The following MGAT4C variants were observed in gnomAD, a reference collection of about 807,000 sequenced individuals.
MGAT4C encodes the protein alpha-1,3-mannosyl-glycoprotein 4-beta-N-acetylglucosaminyltransferase C.
A neutral mutation model predicts 40.1 loss-of-function variants in MGAT4C; 19 were observed. The observed-to-expected ratio is 0.47, with a 90% CI of 0.33 to 0.70. MGAT4C has a LOEUF of 0.70. MGAT4C is among the 30% of genes least tolerant of loss of function. MGAT4C has a pLI of 0.02. For missense variants in MGAT4C, 491 were observed against 563.2 expected, an observed-to-expected ratio of 0.87 and a Z score of 1.30; for synonymous variants, 181 against 187.1, an observed-to-expected ratio of 0.97 and a Z score of 0.27.
intron 1 of MGAT4C, among the ~76,000 whole-genome samples, chr12:86,814,234 G>C (rs966242946): frequency 1.4e-5 from 2 of 146,416 alleles, no homozygotes; most frequent in African/African-American, 5.0e-5. Flanking sequence ...TAATTATTTG[G>C]CATATACGTG....
At chr12:86,362,136 C>G (rs1311895017) in intron 3 of MGAT4C, among the ~76,000 whole-genome samples, 1 of 152,154 alleles carries the variant, frequency 6.6e-6, no homozygotes, top group Non-Finnish European at 1.5e-5. Flanking sequence ...CACATATACA[C>G]CATGGAATAC....
intron 1 of MGAT4C, among the ~76,000 whole-genome samples, chr12:86,195,210 T>C (rs935390072): frequency 6.6e-6 from 1 of 152,248 alleles, no homozygotes; most frequent in African/African-American, 2.4e-5. Context: ...AATTTGGCAC[T>C]GCTTGGTATA....
chr12:86,466,619 A>G (rs1312550371), intron 2 of MGAT4C, among the ~76,000 whole-genome samples: 1 of 152,222 alleles, frequency 6.6e-6, no homozygotes, highest in East Asian at 1.9e-4. Context: ...TGGTTGACAG[A>G]TGTCATCAAA....
At chr12:86,401,898 A>G (rs1433043644) in intron 3 of MGAT4C, among the ~76,000 whole-genome samples, 1 of 152,196 alleles carries the variant, frequency 6.6e-6, no homozygotes, top group Admixed American at 6.5e-5. Context: ...GTGACATGGA[A>G]GAGTTCTAAG....
At chr12:86,491,994 C>T (rs1445886925) in intron 2 of MGAT4C, among the ~76,000 whole-genome samples, 2 of 152,090 alleles carry the variant, frequency 1.3e-5, no homozygotes, top group Non-Finnish European at 2.9e-5. Context: ...CATTCTTATA[C>T]ACCAATAACA....
chr12:86,580,609 C>A (rs536864464), intron 2 of MGAT4C, among the ~76,000 whole-genome samples: 1 of 151,568 alleles, frequency 6.6e-6, no homozygotes, highest in African/African-American at 2.4e-5. Flanking sequence ...AACTTAAATT[C>A]ATCCTTGCTC....
At chr12:86,473,291 G>C (rs1957782560) in intron 2 of MGAT4C, among the ~76,000 whole-genome samples, 1 of 152,028 alleles carries the variant, frequency 6.6e-6, no homozygotes, top group Admixed American at 6.6e-5. Flanking sequence ...AGTAGGAATG[G>C]AGAGCAATCA....
intron 2 of MGAT4C, among the ~76,000 whole-genome samples, chr12:86,019,876 G>C (rs1008013052): frequency 6.6e-6 from 1 of 152,050 alleles, no homozygotes; most frequent in Non-Finnish European, 1.5e-5. Flanking sequence ...TTGAGCAGTG[G>C]TTTGTAGTTC....
chr12:86,449,159 T>C (rs1198627738), intron 2 of MGAT4C, among the ~76,000 whole-genome samples: 1 of 152,188 alleles, frequency 6.6e-6, no homozygotes, highest in Non-Finnish European at 1.5e-5. Context: ...GCTGAATAAG[T>C]AAAATAATAA....
At chr12:86,752,746 C>A (rs1420286687) in intron 1 of MGAT4C, among the ~76,000 whole-genome samples, 2 of 152,012 alleles carry the variant, frequency 1.3e-5, no homozygotes, top group Non-Finnish European at 2.9e-5. Context: ...CAGAAGTAGA[C>A]CCATGCATAT....
chr12:86,348,491 T>C (rs535925704), intron 3 of MGAT4C, among the ~76,000 whole-genome samples: 1 of 152,116 alleles, frequency 6.6e-6, no homozygotes, highest in Non-Finnish European at 1.5e-5. Flanking sequence ...TGCTGAATTA[T>C]ATGCTTAAGT....
intron 2 of MGAT4C, among the ~76,000 whole-genome samples, chr12:86,603,569 TATAG>T (rs1961902446): frequency 8.5e-6 from 1 of 117,638 alleles, no homozygotes; most frequent in Non-Finnish European, 1.6e-5. Flanking sequence ...GTCTATAGAC[TATAG>T]ATAATATATA....
chr12:86,742,503 A>C (rs1214986616), intron 1 of MGAT4C, among the ~76,000 whole-genome samples: 1 of 151,492 alleles, frequency 6.6e-6, no homozygotes, highest in Non-Finnish European at 1.5e-5. Flanking sequence ...TTGCTCCATG[A>C]GTATGACATG....
At chr12:86,096,216 A>G (rs747485545) in intron 1 of MGAT4C, among the ~76,000 whole-genome samples, 1 of 151,822 alleles carries the variant, frequency 6.6e-6, no homozygotes, top group Non-Finnish European at 1.5e-5. Flanking sequence ...TCTTAAGTTC[A>G]GTAGTCTTAC....
chr12:86,100,810 TGATA>T (rs1592938711), intron 1 of MGAT4C, among the ~76,000 whole-genome samples: 1 of 151,604 alleles, frequency 6.6e-6, no homozygotes, highest in East Asian at 1.9e-4. Flanking sequence ...GTTTCTTTAC[TGATA>T]AATATTCATA....
At chr12:86,022,784 G>A (rs184182400) in intron 2 of MGAT4C, among the ~76,000 whole-genome samples, 71 of 152,214 alleles carry the variant, frequency 4.7e-4, no homozygotes, top group Middle Eastern at 3.4e-3. Context: ...CCCAAAAGTA[G>A]ATCCATAAAT....
intron 1 of MGAT4C, among the ~76,000 whole-genome samples, chr12:86,802,468 T>C (rs191771386): frequency 6.6e-6 from 1 of 152,160 alleles, no homozygotes; most frequent in Non-Finnish European, 1.5e-5. Flanking sequence ...ATTCACTAAT[T>C]ATTTCAAGCA....
At chr12:86,296,706 C>T (rs927399289) in intron 4 of MGAT4C, among the ~76,000 whole-genome samples, 1 of 152,228 alleles carries the variant, frequency 6.6e-6, no homozygotes, top group East Asian at 1.9e-4. Flanking sequence ...AGTGCGGGGC[C>T]CGCCAAGCCC....
chr12:86,356,592 G>A (rs1186826849), intron 3 of MGAT4C, among the ~76,000 whole-genome samples: 1 of 152,096 alleles, frequency 6.6e-6, no homozygotes, highest in African/African-American at 2.4e-5. Flanking sequence ...CGTGACAGAT[G>A]GTACCTGGAA....
Sources: gnomAD v4.1 joint callset for allele counts (sites outside exome capture counted in the v4.1 genomes callset) on GRCh38, gnomAD v4.1.1 for gene constraint, MANE v1.5 for transcripts, NCBI Gene and HGNC (gene_info 2026-07-23, HGNC 2026-07-21) for gene names.